Variants in EGF observed in about 807,000 individuals in gnomAD.
The protein encoded by EGF is pro-epidermal growth factor.
Under a neutral mutation model 143.8 loss-of-function variants are expected in EGF, and 95 were observed. The ratio of observed to expected loss-of-function variants is 0.66; its 90% CI spans 0.56 to 0.78. The LOEUF (loss-of-function observed/expected upper bound fraction) is 0.78. Ranked by LOEUF, EGF falls within the 30% of genes least tolerant of loss-of-function variation. The probability of loss-of-function intolerance (pLI) is 0.00; values close to 1 mark genes in which losing one functional copy is unlikely to be tolerated. For synonymous variants in EGF, 510 were observed against 510.5 expected, an observed-to-expected ratio of 1.00 and a Z score of 0.01; for missense variants, 1,320 against 1,470.9, an observed-to-expected ratio of 0.90 and a Z score of 1.68.
chr4:110,003,276 C>T (rs1578401193), intron 21 of EGF, among the ~76,000 whole-genome samples: 1 of 152,200 alleles, frequency 6.6e-6, no homozygotes, highest in South Asian at 2.1e-4. Context: ...TTTCCTCTCT[C>T]TCCAACAGTG....
chr4:109,946,955 C>T (rs1486881966), intron 5 of EGF, among the ~76,000 whole-genome samples: 1 of 152,014 alleles, frequency 6.6e-6, no homozygotes, highest in Non-Finnish European at 1.5e-5. Context: ...CCTGTCTCTA[C>T]TAAAAATACA....
chr4:109,975,662 T>C (rs1330255244), intron 12 of EGF, among the ~76,000 whole-genome samples: 1 of 152,270 alleles, frequency 6.6e-6, no homozygotes, highest in African/African-American at 2.4e-5. Flanking sequence ...CAAGATTTCA[T>C]TGCCTTTTTG....
At chr4:109,935,323 A>C (rs150433556) in intron 1 of EGF, among the ~76,000 whole-genome samples, 1 of 152,102 alleles carries the variant, frequency 6.6e-6, no homozygotes, top group South Asian at 2.1e-4. Flanking sequence ...CTTTGTAGTA[A>C]TTGTGAATGG....
chr4:109,920,260 C>T (rs1737529876), intron 1 of EGF, among the ~76,000 whole-genome samples: 2 of 151,610 alleles, frequency 1.3e-5, no homozygotes, highest in Non-Finnish European at 2.9e-5. Flanking sequence ...TGTAAATTGC[C>T]TGATCTAAGC....
chr4:109,993,477 A>G lies in EGF; in HGVS notation c.2857+108A>G, dbSNP rs1044642560. 7.4e-5 allele frequency: 112 copies of G among 1,510,514 alleles called. 1 individual carries two copies. In the Middle Eastern group the frequency reaches 1.2e-3, roughly 16 times the overall value. The allele number at this position is 1,510,514 out of a possible 1,614,324, so 93.6% of individuals were successfully genotyped here. A position where few individuals can be genotyped will look rare whatever the true frequency, so the allele number is the denominator to read the frequency against. On this transcript the variant is annotated intron_variant, in intron 19 of 23. Transcript: ENST00000265171. ...ATTCTAAAAATCATTCAGTTCAGGC[A>G]GGCTGCAGAGCTGGCTTTCCTGATT...
chr4:109,924,761 T>C (rs1481514026), intron 1 of EGF, among the ~76,000 whole-genome samples: 1 of 152,216 alleles, frequency 6.6e-6, no homozygotes, highest in Non-Finnish European at 1.5e-5. Flanking sequence ...ACCTTTCTTA[T>C]TCCTAGGATG....
intron 11 of EGF, among the ~76,000 whole-genome samples, chr4:109,970,694 G>GGCT (rs1747454302): frequency 6.6e-6 from 1 of 151,958 alleles, no homozygotes; most frequent in Non-Finnish European, 1.5e-5. Flanking sequence ...GGCGGGTGGT[G>GGCT]GGCGCCTGTA....
Position 109,961,884 on chromosome 4 carries a change from A to G in EGF, c.1211A>G (p.Asn404Ser). 6.2e-7 allele frequency: 1 copy of G among 1,613,846 alleles called. No homozygotes were observed. Among genetic ancestry groups the G allele is most frequent in the South Asian group, 1.1e-5 (1 of 91,080 alleles). Residue 404 changes from asparagine (N) to serine (S), a missense_variant, in exon 8 of 24, where the codon AAT becomes AGT. Transcript: ENST00000265171. Reference sequence around the variant, plus strand: ...TTAGAACTTGTTTCCTGTCCACGCAATGTGTCTGAATGCAGCCATGACTGT... The same window carrying G: ...TTAGAACTTGTTTCCTGTCCACGCAGTGTGTCTGAATGCAGCCATGACTGT... ...RCHQLVSCPR[N>S]VSECSHDCVL...
chr4:109,988,474 G>A (rs1750467118), intron 17 of EGF, 110 bp from the exon 18 acceptor site: 1 of 1,535,952 alleles, frequency 6.5e-7, no homozygotes, highest in Non-Finnish European at 9.0e-7. Flanking sequence ...AACAGCACCT[G>A]TAAAGGACTG....
intron 16 of EGF, among the ~76,000 whole-genome samples, chr4:109,984,618 A>T (rs907463028): frequency 1.3e-5 from 2 of 151,944 alleles, no homozygotes; most frequent in African/African-American, 4.8e-5. Flanking sequence ...CACCAATAAT[A>T]CTGATCTGTG....
intron 1 of EGF, among the ~76,000 whole-genome samples, chr4:109,925,360 C>T (rs984507386): frequency 3.9e-5 from 6 of 152,198 alleles, no homozygotes; most frequent in Non-Finnish European, 7.3e-5. Flanking sequence ...TATATCACAG[C>T]GTATGGTTGT....
At chr4:109,964,067 G>T (rs947523452) in intron 9 of EGF, among the ~76,000 whole-genome samples, 2 of 152,152 alleles carry the variant, frequency 1.3e-5, no homozygotes, top group African/African-American at 4.8e-5. Context: ...TAGTGTTTCA[G>T]TATGTGTGAA....
intron 1 of EGF, among the ~76,000 whole-genome samples, chr4:109,924,459 T>C (rs956645129): frequency 1.3e-5 from 2 of 151,664 alleles, no homozygotes; most frequent in Admixed American, 1.3e-4. Flanking sequence ...ATTACATCCA[T>C]GAATTAACTC....
intron 4 of EGF, 126 bp downstream of exon 4, chr4:109,944,195 T>G (rs1742421047): frequency 1.5e-5 from 17 of 1,133,992 alleles, no homozygotes; most frequent in Non-Finnish European, 2.2e-5. Flanking sequence ...CCAAAAGACT[T>G]GAGTTTGGCC....
rs535802191 is a variant in EGF, at chr4:109,963,089, A to G, written c.1313-84A>G. On this transcript the variant is annotated intron_variant, in intron 8 of 23. Coordinates refer to ENST00000265171, the MANE Select transcript of EGF (RefSeq NM_001963.6). ...CAAAAAAAAAAAAAAAAATTAACAA[A>G]TGGTTGACTCGCCCCCATCCTTTGA... 7 of 1,521,854 alleles carry G rather than the reference A, an allele frequency of 4.6e-6. No homozygotes were observed. In the South Asian group the frequency reaches 8.3e-5, roughly 18 times the overall value. The allele number at this position is 1,521,854 out of a possible 1,614,324, so 94.3% of individuals were successfully genotyped here.
chr4:109,954,826 AT>A, intron 5 of EGF, among the ~76,000 whole-genome samples: 1 of 152,270 alleles, frequency 6.6e-6, no homozygotes, highest in Admixed American at 6.5e-5. Flanking sequence ...TCTACACTCT[AT>A]TTTCTATGTG....
intron 1 of EGF, among the ~76,000 whole-genome samples, chr4:109,926,062 G>C (rs1362288832): frequency 6.6e-6 from 1 of 152,134 alleles, no homozygotes; most frequent in East Asian, 1.9e-4. Flanking sequence ...AAAGTATCTT[G>C]AAGCAAAGCA....
intron 1 of EGF, among the ~76,000 whole-genome samples, chr4:109,921,989 G>A (rs534070579): frequency 6.6e-6 from 1 of 151,526 alleles, no homozygotes; most frequent in East Asian, 1.9e-4. Flanking sequence ...CATGCTGAAG[G>A]GTTGAAGCTA....
chr4:110,001,883 G>T (rs115421536), intron 21 of EGF: 1 of 985,252 alleles, frequency 1.0e-6, no homozygotes, highest in Non-Finnish European at 1.2e-6. Flanking sequence ...CTTCCTGAGT[G>T]AATCTATGGT....
Sources: gnomAD v4.1 joint callset for allele counts (sites outside exome capture counted in the v4.1 genomes callset) on GRCh38, gnomAD v4.1.1 for gene constraint, MANE v1.5 for transcripts, NCBI Gene and HGNC (gene_info 2026-07-23, HGNC 2026-07-21) for gene names.